Variants in PTPRG observed in about 807,000 individuals in gnomAD.
PTPRG encodes receptor-type tyrosine-protein phosphatase gamma.
A neutral mutation model predicts 165.3 loss-of-function variants in PTPRG; 102 were observed. The observed-to-expected ratio is 0.62, with a 90% confidence interval of 0.53 to 0.73. The LOEUF (loss-of-function observed/expected upper bound fraction) is 0.73, where lower values mean the gene tolerates loss of function less well. Ranked by LOEUF, PTPRG falls within the 30% of genes least tolerant of loss-of-function variation. The pLI is 0.00. For missense variants in PTPRG, 1,866 were observed against 1,861.4 expected, an observed-to-expected ratio of 1.00 and a Z score of -0.05; for synonymous variants, 675 against 669.5, an observed-to-expected ratio of 1.01 and a Z score of -0.13.
chr3:62,003,817 C>T (rs549238056), intron 4 of PTPRG, among the ~76,000 whole-genome samples: 3 of 152,222 alleles, frequency 2.0e-5, no homozygotes, highest in East Asian at 3.9e-4. Context: ...ACATTTTGTA[C>T]GAAACTGGGT....
intron 16 of PTPRG, among the ~76,000 whole-genome samples, chr3:62,260,458 A>T (rs1701661561): frequency 6.6e-6 from 1 of 152,004 alleles, no homozygotes; most frequent in Admixed American, 6.6e-5. Flanking sequence ...TCGTTACATC[A>T]ATTTTTAGGG....
At chr3:61,777,503 CCAGGA>C (rs1445635892) in intron 2 of PTPRG, among the ~76,000 whole-genome samples, 1 of 152,126 alleles carries the variant, frequency 6.6e-6, no homozygotes, top group Non-Finnish European at 1.5e-5. Flanking sequence ...TTGGTTAATT[CCAGGA>C]CTGAGACAAC....
chr3:61,927,499 C>A (rs962672456), intron 2 of PTPRG, among the ~76,000 whole-genome samples: 7 of 152,194 alleles, frequency 4.6e-5, no homozygotes, highest in African/African-American at 1.7e-4. Flanking sequence ...ATATCCTGTA[C>A]TATGGAAACA....
At chr3:61,842,540 C>T (rs2107335090) in intron 2 of PTPRG, among the ~76,000 whole-genome samples, 1 of 152,170 alleles carries the variant, frequency 6.6e-6, no homozygotes, top group East Asian at 1.9e-4. Flanking sequence ...TAAATCAACC[C>T]AACTTACATT....
At chr3:61,754,560 T>A (rs2033569520) in intron 2 of PTPRG, among the ~76,000 whole-genome samples, 1 of 152,130 alleles carries the variant, frequency 6.6e-6, no homozygotes, top group Non-Finnish European at 1.5e-5. Flanking sequence ...TTGTGGAGAT[T>A]TGGTGCATGT....
rs200417849 is a variant in PTPRG at position 62,167,943 on chromosome 3, C to T, written c.841-28C>T. On this transcript the variant is annotated intron_variant, in intron 7 of 29. Coordinates refer to ENST00000474889, the MANE Select transcript of PTPRG (RefSeq NM_002841.4). ...TGTTTTTTGTGTTGTTTTTTTTTTC[C>T]CCCTCCCCTCTCTGGTCCTCTGTTC... The T allele has an allele frequency of 3.8e-4, 605 of 1,572,360 alleles. 1 individual carries two copies. In the African/African-American group the frequency reaches 7.5e-3, roughly 19 times the overall value.
intron 2 of PTPRG, among the ~76,000 whole-genome samples, chr3:61,841,307 A>G (rs992752153): frequency 2.6e-5 from 4 of 152,226 alleles, no homozygotes; most frequent in African/African-American, 9.6e-5. Flanking sequence ...CTGAAAAGCC[A>G]TCAGTTAAAG....
chr3:61,920,620 T>G lies in PTPRG; in HGVS notation c.191-69005T>G, dbSNP rs1260813494. 2.0e-5 allele frequency among the ~76,000 whole-genome samples: 3 copies of G among 152,186 alleles called. No individual in the cohort carries two copies. The East Asian group carries it at 5.8e-4, about 29-fold the overall frequency. On this transcript the variant is annotated intron_variant, in intron 2 of 29. Transcript: ENST00000474889. Reference sequence around the variant, plus strand: ...CATGTTGGCCAGGATGGTCTCTGTCTTCTGACCTCTTGATCCGCCTGCCTT... The same window carrying G: ...CATGTTGGCCAGGATGGTCTCTGTCGTCTGACCTCTTGATCCGCCTGCCTT...
intron 2 of PTPRG, among the ~76,000 whole-genome samples, chr3:61,802,823 C>T (rs2035289148): frequency 1.3e-5 from 2 of 152,108 alleles, no homozygotes; most frequent in South Asian, 4.2e-4. Flanking sequence ...ACTGTGAGGA[C>T]CTGGAATACC....
At chr3:61,731,789 T>A (rs576286515) in intron 1 of PTPRG, among the ~76,000 whole-genome samples, 1 of 152,182 alleles carries the variant, frequency 6.6e-6, no homozygotes, top group East Asian at 1.9e-4. Context: ...GTGAACTGCA[T>A]AGGTACTTTT....
chr3:61,962,603 G>A (rs553226737), intron 2 of PTPRG, among the ~76,000 whole-genome samples: 7 of 152,300 alleles, frequency 4.6e-5, no homozygotes, highest in Non-Finnish European at 1.0e-4. Context: ...CACCCTTTGG[G>A]AAGTATAGTC....
intron 1 of PTPRG, among the ~76,000 whole-genome samples, chr3:61,580,911 G>T (rs1700279803): frequency 6.6e-6 from 1 of 152,196 alleles, no homozygotes; most frequent in Non-Finnish European, 1.5e-5. Context: ...ACTGGTTTCT[G>T]GAGGTTTTGG....
At chr3:61,637,142 T>C (rs551543408) in intron 1 of PTPRG, among the ~76,000 whole-genome samples, 1 of 152,332 alleles carries the variant, frequency 6.6e-6, no homozygotes, top group South Asian at 2.1e-4. Context: ...TATATTCATA[T>C]GCAATATTTT....
intron 2 of PTPRG, among the ~76,000 whole-genome samples, chr3:61,853,265 A>G (rs1042309239): frequency 3.9e-5 from 6 of 152,324 alleles, no homozygotes; most frequent in African/African-American, 7.2e-5. Flanking sequence ...ACTTCCAGGT[A>G]TTCACACCCT....
chr3:61,863,911 A>G (rs2107413563), intron 2 of PTPRG, among the ~76,000 whole-genome samples: 1 of 152,334 alleles, frequency 6.6e-6, no homozygotes, highest in East Asian at 1.9e-4. Context: ...TATTTAGCAG[A>G]ACTCTTTTAA....
intron 8 of PTPRG, among the ~76,000 whole-genome samples, chr3:62,184,193 C>G (rs114117616): frequency 5.9e-5 from 9 of 152,286 alleles, no homozygotes; most frequent in Non-Finnish European, 1.2e-4. Context: ...TGCACAGAGC[C>G]GGGCCCAGGG....
intron 1 of PTPRG, among the ~76,000 whole-genome samples, chr3:61,738,072 C>A (rs1355140797): frequency 2.0e-5 from 3 of 150,054 alleles, no homozygotes; most frequent in Non-Finnish European, 3.0e-5. Flanking sequence ...CCGCACCCGG[C>A]TAATTTTTTT....
intron 1 of PTPRG, among the ~76,000 whole-genome samples, chr3:61,658,306 G>C (rs544235914): frequency 6.6e-6 from 1 of 152,262 alleles, no homozygotes; most frequent in African/African-American, 2.4e-5. Context: ...TGTCCCTGAT[G>C]AGACGGTGTC....
chr3:61,744,540 C>T (rs1326934804), intron 1 of PTPRG, among the ~76,000 whole-genome samples: 1 of 152,088 alleles, frequency 6.6e-6, no homozygotes, highest in Non-Finnish European at 1.5e-5. Context: ...ATAAAAGGTA[C>T]AGTAAAAAAT....
Sources: allele counts gnomAD v4.1 joint callset (sites outside exome capture counted in the v4.1 genomes callset), GRCh38; gene constraint gnomAD v4.1.1; transcripts MANE v1.5; gene names NCBI Gene and HGNC (gene_info 2026-07-23, HGNC 2026-07-21).